NTHL1: variants seen among roughly 807,000 people sequenced by gnomAD.
NTHL1 encodes endonuclease III-like protein 1.
A neutral mutation model predicts 32.3 loss-of-function variants in NTHL1; 32 were observed. The observed-to-expected ratio is 0.99, with a 90% confidence interval of 0.75 to 1.33. The LOEUF (loss-of-function observed/expected upper bound fraction) is 1.33. Ranked by LOEUF, NTHL1 falls within the 40% of genes most tolerant of loss-of-function variation. The pLI, the probability that NTHL1 is intolerant of heterozygous loss-of-function variation, is 0.00. For synonymous variants in NTHL1, 188 were observed against 176.9 expected, an observed-to-expected ratio of 1.06 and a Z score of -0.50; for missense variants, 501 against 414.1, an observed-to-expected ratio of 1.21 and a Z score of -1.82.
chr16:2,045,783 T>C (rs2084342109), intron 2 of NTHL1, among the ~76,000 whole-genome samples: 1 of 152,200 alleles, frequency 6.6e-6, no homozygotes, highest in Non-Finnish European at 1.5e-5. Context: ...CAGAGAGGCC[T>C]GTATCCAAGC....
chr16:2,043,852 G>T lies in NTHL1; in HGVS notation c.526-126C>A. On this transcript the variant is annotated intron_variant, in intron 3 of 5. Transcript: ENST00000651570. This position sits in a 1 kb window ranked among gnomAD's most constrained non-coding sequence, Gnocchi z 4.4. The stretch of plus-strand genomic sequence containing the variant: ...CCTGCTGAGGACGTGTGCAAGCTCA[G>T]CCCCCGCCCCCCAGGAGGCGGGAAC... The T allele has an allele frequency of 8.8e-7, 1 of 1,141,712 alleles. No homozygotes were observed. The allele number at this position is 1,141,712 out of a possible 1,614,324, so 70.7% of individuals were successfully genotyped here.
Position 2,044,753 on chromosome 16 carries a change from G to T in NTHL1, c.402C>A (p.Thr134=). 1 of 1,612,164 alleles carries T rather than the reference G, an allele frequency of 6.2e-7. No individual in the cohort carries two copies. The highest frequency in any genetic ancestry group is 8.5e-7 in the Non-Finnish European group (1 of 1,179,498). ...VLLSLMLSSQ[T]KDQVTAGAMQ... The stretch of plus-strand genomic sequence containing the variant: ...TGGCGCCCGCCGTCACCTGGTCTTT[G>T]GTTTGGCTGGAGAGCATCAGTGACA... Residue 134 remains threonine (T), a synonymous_variant, in exon 3 of 6, where the codon ACC becomes ACA. Coordinates refer to ENST00000651570, the MANE Select transcript of NTHL1 (RefSeq NM_002528.7). This position sits in a 1 kb window ranked among gnomAD's most constrained non-coding sequence, Gnocchi z 5.0.
chr16:2,040,080 G>A, intron 5 of NTHL1, 33 bp from the exon 6 acceptor site: 1 of 1,612,658 alleles, frequency 6.2e-7, no homozygotes. Context: ...AGTGCTGACA[G>A]AGGGCGGGCG....
chr16:2,043,583 G>A lies in NTHL1; in HGVS notation c.669C>T (p.Gly223=), dbSNP rs2084297867. The part of the protein sequence containing the change: ...MAHLAMAVAW[G]TVSGIAVDTH... ...TCTACTCACCAATGCCTGACACAGT[G>A]CCCCAGGCCACAGCCATAGCCAGGT... Residue 223 remains glycine (G), a synonymous_variant, in exon 4 of 6, where the codon GGC becomes GGT. Coordinates refer to ENST00000651570, the MANE Select transcript of NTHL1 (RefSeq NM_002528.7). The surrounding 1 kb of genome is among the most constrained non-coding windows in gnomAD (Gnocchi z 4.4). The A allele has an allele frequency of 3.1e-6, 5 of 1,608,138 alleles. No individual in the cohort carries two copies. Among genetic ancestry groups the A allele is most frequent in the Admixed American group, 1.7e-5 (1 of 59,996 alleles).
intron 4 of NTHL1, chr16:2,040,576 C>A: frequency 2.2e-6 from 1 of 447,184 alleles, no homozygotes; most frequent in East Asian, 4.4e-5. Context: ...GATGACTCGG[C>A]TCTGCTTGGA....
intron 4 of NTHL1, chr16:2,042,224 C>T (rs1446931009): frequency 1.0e-5 from 4 of 401,114 alleles, no homozygotes; most frequent in Non-Finnish European, 2.0e-5. Flanking sequence ...TGGCTGCGGG[C>T]AGGGACCTTC....
chr16:2,040,458 T>C, intron 4 of NTHL1: 1 of 616,532 alleles, frequency 1.6e-6, no homozygotes, highest in Non-Finnish European at 2.9e-6. Flanking sequence ...CTCTCTCCCA[T>C]CACCTGAGCC....
intron 2 of NTHL1, among the ~76,000 whole-genome samples, chr16:2,045,918 G>A (rs992456139): frequency 6.6e-6 from 1 of 152,188 alleles, no homozygotes; most frequent in Non-Finnish European, 1.5e-5. Context: ...CCTGCACTGG[G>A]CAGAAGTTCG....
intron 2 of NTHL1, among the ~76,000 whole-genome samples, chr16:2,045,213 T>C (rs1246795926): frequency 6.6e-6 from 1 of 151,924 alleles, no homozygotes; most frequent in African/African-American, 2.4e-5. Context: ...GGTGCATGCC[T>C]GTAATCCCAG....
chr16:2,046,095 G>A lies in NTHL1; in HGVS notation c.354+33C>T, dbSNP rs773882008. 69 of 1,553,600 alleles carry A rather than the reference G, an allele frequency of 4.4e-5. No homozygotes were observed. Among genetic ancestry groups the A allele is most frequent in the Non-Finnish European group, 5.5e-5 (62 of 1,127,064 alleles). On this transcript the variant is annotated intron_variant, in intron 2 of 5. Coordinates refer to ENST00000651570, the MANE Select transcript of NTHL1 (RefSeq NM_002528.7). ...GAAAACAAGGACCTTGCTAAGATGG[G>A]GGGTCATCTGGGCAGATGGGGCCCC...
Position 2,043,464 on chromosome 16 carries a change from G to A in NTHL1, c.685+103C>T. The A allele has an allele frequency of 2.0e-6, 3 of 1,508,530 alleles. No individual in the cohort carries two copies. The highest frequency in any genetic ancestry group is 1.8e-6 in the Non-Finnish European group (2 of 1,108,574). 93.4% of individuals were successfully genotyped at this position (1,508,530 alleles called of 1,614,324 possible). A position where few individuals can be genotyped will look rare whatever the true frequency, so the allele number is the denominator to read the frequency against. On this transcript the variant is annotated intron_variant, in intron 4 of 5. Coordinates refer to ENST00000651570, the MANE Select transcript of NTHL1 (RefSeq NM_002528.7). This position sits in a 1 kb window ranked among gnomAD's most constrained non-coding sequence, Gnocchi z 4.4. ...GCACCTTTCTGACTCTATGGGCTGG[G>A]TGGAGGACCAGCATGCTGGAAGTGG...
In NTHL1 at chr16:2,047,570, C is replaced by T. The variant is rs112385633; in HGVS notation, c.115+139G>A. ...AAAGGCGCAAGGTGGGAACGCAGGG[C>T]CGCACGTGGGAACCGTTCGCGGCTG... On this transcript the variant is annotated intron_variant, in intron 1 of 5. Coordinates refer to ENST00000651570, the MANE Select transcript of NTHL1 (RefSeq NM_002528.7). 2.0e-5 allele frequency: 27 copies of T among 1,341,284 alleles called. No individual in the cohort carries two copies. In the South Asian group the frequency reaches 3.9e-4, roughly 19 times the overall value. The allele number at this position is 1,341,284 out of a possible 1,614,324, so 83.1% of individuals were successfully genotyped here.
At chr16:2,042,097 C>T (rs1400084893) in intron 4 of NTHL1, 1 of 455,876 alleles carries the variant, frequency 2.2e-6, no homozygotes, top group Non-Finnish European at 4.4e-6. Flanking sequence ...CGGGGAACCC[C>T]TAGGAGGCAG....
At chr16:2,041,052 T>A (rs1193823137) in intron 4 of NTHL1, among the ~76,000 whole-genome samples, 3 of 152,162 alleles carry the variant, frequency 2.0e-5, no homozygotes, top group African/African-American at 7.2e-5. Flanking sequence ...GGGGCTCCCT[T>A]CTCCCACCCG....
At position 2,044,936 on chromosome 16, in the gene NTHL1, G is replaced by GT. The variant is rs545441027; in HGVS notation, c.355-137dup. 2.6e-4 allele frequency: 257 copies of GT among 997,220 alleles called. 1 individual carries two copies. In the African/African-American group the frequency reaches 3.8e-3, roughly 15 times the overall value. The allele number at this position is 997,220 out of a possible 1,614,324, so 61.8% of individuals were successfully genotyped here. ...TGAGGCATCAGCCTCCCCCTGTGGGGTGGGGAGGTCTGGTTTGGGTATGTT... is the reference window on the plus strand; with the variant it reads ...TGAGGCATCAGCCTCCCCCTGTGGGGTTGGGGAGGTCTGGTTTGGGTATGTT... On this transcript the variant is annotated intron_variant, in intron 2 of 5. Transcript: ENST00000651570. The surrounding 1 kb of genome is among the most constrained non-coding windows in gnomAD (Gnocchi z 5.0).
rs2084296376 is a variant in NTHL1 at position 2,043,451 on chromosome 16, C to G, written c.685+116G>C. ...CTCCACCCTGGGAGCACCTTTCTGACTCTATGGGCTGGGTGGAGGACCAGC... is the reference window on the plus strand; with the variant it reads ...CTCCACCCTGGGAGCACCTTTCTGAGTCTATGGGCTGGGTGGAGGACCAGC... On this transcript the variant is annotated intron_variant, in intron 4 of 5. Coordinates refer to ENST00000651570, the MANE Select transcript of NTHL1 (RefSeq NM_002528.7). This position sits in a 1 kb window ranked among gnomAD's most constrained non-coding sequence, Gnocchi z 4.4. 2 of 1,448,276 alleles carry G rather than the reference C, an allele frequency of 1.4e-6. No individual in the cohort carries two copies. The highest frequency in any genetic ancestry group is 1.9e-5 in the Admixed American group (1 of 53,960). The allele number at this position is 1,448,276 out of a possible 1,614,324, so 89.7% of individuals were successfully genotyped here. A position where few individuals can be genotyped will look rare whatever the true frequency, so the allele number is the denominator to read the frequency against.
chr16:2,044,598 A>T lies in NTHL1; in HGVS notation c.525+32T>A. The T allele has an allele frequency of 6.3e-7, 1 of 1,598,290 alleles. No homozygotes were observed. The highest frequency in any genetic ancestry group is 8.5e-7 in the Non-Finnish European group (1 of 1,179,738). On this transcript the variant is annotated intron_variant, in intron 3 of 5. Coordinates refer to ENST00000651570, the MANE Select transcript of NTHL1 (RefSeq NM_002528.7). This position sits in a 1 kb window ranked among gnomAD's most constrained non-coding sequence, Gnocchi z 5.0. ...CTGAGGTCTCTCTCAGGCCACTGCC[A>T]CCCGGCCCCCGTTGCCACAGGCAGG...
At position 2,046,160 on chromosome 16, in the gene NTHL1, C is replaced by T. The variant is rs1596222596; in HGVS notation, c.322G>A (p.Glu108Lys). Residue 108 changes from glutamate to lysine, a missense_variant, in exon 2 of 6, where the codon GAG becomes AAG. Glu to Lys is a moderately conservative substitution (Grantham distance 56). Transcript: ENST00000651570. ...GGGGCACTGGAGTCATAGCAGTGCT[C>T]AGTCCCCAGATGGTCCACAGGTGCA... ...KDAPVDHLGT[E>K]HCYDSSAPPK... 9 of 1,613,182 alleles carry T rather than the reference C, an allele frequency of 5.6e-6. No individual in the cohort carries two copies. The highest frequency in any genetic ancestry group is 7.6e-6 in the Non-Finnish European group (9 of 1,179,984).
In NTHL1 at chr16:2,043,843, G is replaced by A; in HGVS notation, c.526-117C>T. ...CTACCTGCACCTGCTGAGGACGTGT[G>A]CAAGCTCAGCCCCCGCCCCCCAGGA... is the stretch of plus-strand genomic sequence containing the variant. On this transcript the variant is annotated intron_variant, in intron 3 of 5. Coordinates refer to ENST00000651570, the MANE Select transcript of NTHL1 (RefSeq NM_002528.7). The surrounding 1 kb of genome is among the most constrained non-coding windows in gnomAD (Gnocchi z 4.4). 1.6e-6 allele frequency: 2 copies of A among 1,229,352 alleles called. No homozygotes were observed. The highest frequency in any genetic ancestry group is 2.3e-6 in the Non-Finnish European group (2 of 862,922). 76.2% of individuals were successfully genotyped at this position (1,229,352 alleles called of 1,614,324 possible). A position where few individuals can be genotyped will look rare whatever the true frequency, so the allele number is the denominator to read the frequency against.
Sources: allele counts gnomAD v4.1 joint callset (sites outside exome capture counted in the v4.1 genomes callset), GRCh38; gene constraint gnomAD v4.1.1; non-coding constraint Gnocchi (gnomAD v3.1); transcripts MANE v1.5; gene names NCBI Gene and HGNC (gene_info 2026-07-23, HGNC 2026-07-21).